The following MNAT1 variants were observed in gnomAD, a reference collection of about 807,000 sequenced individuals.
The protein encoded by MNAT1 is CDK-activating kinase assembly factor MAT1.
In MNAT1, 43 loss-of-function variants were observed where a neutral mutation model predicts 42.0. The observed-to-expected ratio is 1.02, with a 90% CI of 0.80 to 1.32. The LOEUF is 1.32. Ranked by LOEUF, MNAT1 falls within the 40% of genes most tolerant of loss-of-function variation. The pLI, the probability that MNAT1 is intolerant of heterozygous loss-of-function variation, is 0.00. For missense variants in MNAT1, 306 were observed against 350.4 expected (o/e 0.87, Z 1.01); for synonymous variants, 118 against 120.0 (o/e 0.98, Z 0.11).
chr14:60,788,211 C>T (rs2031711314), intron 1 of MNAT1, among the ~76,000 whole-genome samples: 1 of 152,114 alleles, frequency 6.6e-6, no homozygotes, highest in Non-Finnish European at 1.5e-5. Flanking sequence ...ACATATCCAT[C>T]AGAGGTCTTA....
intron 7 of MNAT1, among the ~76,000 whole-genome samples, chr14:60,936,099 G>C (rs955159220): frequency 1.3e-5 from 2 of 152,096 alleles, no homozygotes; most frequent in African/African-American, 2.4e-5. Flanking sequence ...GCTCCACCCC[G>C]TTCCCCCAGT....
chr14:60,929,949 C>G (rs1001848943), intron 7 of MNAT1, among the ~76,000 whole-genome samples: 8 of 152,080 alleles, frequency 5.3e-5, no homozygotes, highest in Non-Finnish European at 8.8e-5. Context: ...ACCTAACCTT[C>G]TAATGCCAAA....
intron 1 of MNAT1, among the ~76,000 whole-genome samples, chr14:60,749,710 A>G (rs1041521917): frequency 6.6e-6 from 1 of 152,226 alleles, no homozygotes; most frequent in Non-Finnish European, 1.5e-5. Context: ...CAAAAAATAT[A>G]TAGTTTTTCA....
chr14:60,863,916 CTCT>C (rs1176018997), intron 6 of MNAT1, among the ~76,000 whole-genome samples: 1 of 152,070 alleles, frequency 6.6e-6, no homozygotes, highest in Non-Finnish European at 1.5e-5. Flanking sequence ...CCAGGAATTA[CTCT>C]TCTTAGTTGA....
chr14:60,815,529 T>A lies in MNAT1; in HGVS notation c.562-3193T>A, dbSNP rs190258693. ...CGCGCCCAGCCGCATATTCTTTTAG[T>A]CTTTAAAGTACTGTTTTGCTGCCTC... On this transcript the variant is annotated intron_variant, in intron 5 of 7. Coordinates refer to ENST00000261245, the MANE Select transcript of MNAT1 (RefSeq NM_002431.4). Among the ~76,000 whole-genome samples, 545 of 152,306 alleles carry A rather than the reference T, an allele frequency of 3.6e-3. 5 individuals are homozygous for A. Among genetic ancestry groups the A allele is most frequent in the African/African-American group, 0.012 (502 of 41,570 alleles).
intron 7 of MNAT1, among the ~76,000 whole-genome samples, chr14:60,930,686 C>T (rs111900923): frequency 7.9e-5 from 12 of 152,188 alleles, no homozygotes; most frequent in East Asian, 3.9e-4. Flanking sequence ...CAGAACATTC[C>T]GTCAGAACAG....
intron 7 of MNAT1, among the ~76,000 whole-genome samples, chr14:60,950,697 A>G (rs1214924696): frequency 6.6e-6 from 1 of 152,186 alleles, no homozygotes; most frequent in East Asian, 1.9e-4. Flanking sequence ...AAGCCAAAAG[A>G]TTGGACACCC....
chr14:60,799,699 A>AAAT (rs1168240972), intron 3 of MNAT1, among the ~76,000 whole-genome samples: 3 of 147,912 alleles, frequency 2.0e-5, no homozygotes, highest in African/African-American at 7.4e-5. Context: ...TGATTAAAAA[A>AAAT]ATATATATAT....
chr14:60,816,053 G>A (rs1483721715), intron 5 of MNAT1, among the ~76,000 whole-genome samples: 1 of 151,906 alleles, frequency 6.6e-6, no homozygotes. Flanking sequence ...AAAAACAATA[G>A]CATTTGTAAA....
intron 6 of MNAT1, among the ~76,000 whole-genome samples, chr14:60,837,449 C>A (rs887823188): frequency 5.3e-5 from 8 of 152,160 alleles, no homozygotes; most frequent in Admixed American, 5.2e-4. Context: ...TGCAGTCCCT[C>A]ATGGCTTCCT....
intron 6 of MNAT1, among the ~76,000 whole-genome samples, chr14:60,854,777 G>T (rs1055255622): frequency 6.6e-6 from 1 of 152,208 alleles, no homozygotes; most frequent in Admixed American, 6.5e-5. Context: ...AGGCACGGGG[G>T]TCAGGGACCC....
chr14:60,826,708 AGGTGTTAGTT>A (rs934812467), intron 6 of MNAT1, among the ~76,000 whole-genome samples: 7 of 152,160 alleles, frequency 4.6e-5, no homozygotes, highest in African/African-American at 1.7e-4. Context: ...TTTCTTGGCC[AGGTGTTAGTT>A]ATTTTGATCT....
At chr14:60,795,208 A>G (rs2031974389) in intron 1 of MNAT1, among the ~76,000 whole-genome samples, 1 of 152,220 alleles carries the variant, frequency 6.6e-6, no homozygotes, top group Non-Finnish European at 1.5e-5. Flanking sequence ...CTGATTTCCT[A>G]CACAGCATGT....
intron 1 of MNAT1, among the ~76,000 whole-genome samples, chr14:60,786,495 T>C (rs1436387292): frequency 6.6e-6 from 1 of 152,154 alleles, no homozygotes; most frequent in Non-Finnish European, 1.5e-5. Flanking sequence ...TTGATGACCC[T>C]CAAGACCTCT....
Position 60,969,471 on chromosome 14 carries a change from C to T in MNAT1, c.*1122C>T, listed in dbSNP as rs1383729316. 1 of 152,126 alleles carries T rather than the reference C, an allele frequency of 6.6e-6. No homozygotes were observed. The highest frequency in any genetic ancestry group is 1.5e-5 in the Non-Finnish European group (1 of 68,008). 9.4% of individuals were successfully genotyped at this position (152,126 alleles called of 1,614,324 possible). A position where few individuals can be genotyped will look rare whatever the true frequency, so the allele number is the denominator to read the frequency against. On this transcript the variant is annotated 3_prime_UTR_variant, in exon 8 of 8. Coordinates refer to ENST00000261245, the MANE Select transcript of MNAT1 (RefSeq NM_002431.4). ...CTAAGCAGTTATTAATTAATTTTAG[C>T]AATACATCTTCATCTTTATTGTACT...
chr14:60,885,614 G>A (rs1185377287), intron 7 of MNAT1, among the ~76,000 whole-genome samples: 4 of 151,840 alleles, frequency 2.6e-5, no homozygotes. Context: ...ATTTGGTTTT[G>A]TTTGCCTTTG....
At chr14:60,910,243 C>T (rs1388989586) in intron 7 of MNAT1, among the ~76,000 whole-genome samples, 2 of 152,188 alleles carry the variant, frequency 1.3e-5, no homozygotes, top group African/African-American at 4.8e-5. Flanking sequence ...ATGGGGTTTT[C>T]TAGATATACA....
At chr14:60,861,222 A>G (rs1443110301) in intron 6 of MNAT1, among the ~76,000 whole-genome samples, 1 of 152,116 alleles carries the variant, frequency 6.6e-6, no homozygotes, top group Admixed American at 6.5e-5. Context: ...CTTTTTTCCA[A>G]AAGATTGTAT....
chr14:60,816,380 A>G (rs1566778596), intron 5 of MNAT1, among the ~76,000 whole-genome samples: 1 of 152,140 alleles, frequency 6.6e-6, no homozygotes, highest in Non-Finnish European at 1.5e-5. Flanking sequence ...ATCTTTTTAT[A>G]TTCCTGTTTG....
Sources: allele counts gnomAD v4.1 joint callset (sites outside exome capture counted in the v4.1 genomes callset), GRCh38; gene constraint gnomAD v4.1.1; transcripts MANE v1.5; gene names NCBI Gene and HGNC (gene_info 2026-07-23, HGNC 2026-07-21).